The following KRT1 variants were observed in gnomAD, a reference collection of about 807,000 sequenced individuals.
The protein encoded by KRT1 is keratin 1, also known as keratin, type II cytoskeletal 1.
A neutral mutation model predicts 51.6 loss-of-function variants in KRT1; 28 were observed. The observed-to-expected ratio is 0.54, with a 90% CI of 0.40 to 0.74. The LOEUF is 0.74. Among genes scored for constraint, KRT1 ranks in the 30% least tolerant of loss-of-function variants. The pLI is 0.00. For synonymous variants in KRT1, 301 were observed against 307.7 expected (o/e 0.98, Z 0.23); for missense variants, 783 against 815.5 (o/e 0.96, Z 0.49).
At position 52,675,071 on chromosome 12, in the gene KRT1, A is replaced by T; in HGVS notation, c.*122T>A. ...AAGAGCTGGGGGAATAGGATGAGCTAGTGTAACTAACCATAGCTCTTTTCT... is the reference window on the plus strand; with the variant it reads ...AAGAGCTGGGGGAATAGGATGAGCTTGTGTAACTAACCATAGCTCTTTTCT... On this transcript the variant is annotated 3_prime_UTR_variant, in exon 9 of 9. Transcript: ENST00000252244. 1 of 1,231,100 alleles carries T rather than the reference A, an allele frequency of 8.1e-7. No homozygotes were observed. The highest frequency in any genetic ancestry group is 1.2e-6 in the Non-Finnish European group (1 of 832,970). The allele number at this position is 1,231,100 out of a possible 1,614,324, so 76.3% of individuals were successfully genotyped here.
intron 2 of KRT1, 75 bp downstream of exon 2, chr12:52,678,467 T>C (rs1941541722): frequency 4.9e-6 from 7 of 1,425,018 alleles, no homozygotes; most frequent in Non-Finnish European, 6.9e-6. Context: ...ACATGCTGCT[T>C]CATGATCTTA....
chr12:52,675,570 C>T lies in KRT1; in HGVS notation c.1558G>A (p.Gly520Ser). Residue 520 changes from glycine (G) to serine (S), a missense_variant, in exon 9 of 9, where the codon GGT becomes AGT. Coordinates refer to ENST00000252244, the MANE Select transcript of KRT1 (RefSeq NM_006121.4). ...CCAGAGCCGTAGCCACCGCCGCCAC[C>T]TCCTCGGCTGCCACCTCCACTGATG... The part of the protein sequence containing the change: ...TTISGGGSRG[G>S]GGGGYGSGGS... 1 of 1,614,144 alleles carries T rather than the reference C, an allele frequency of 6.2e-7. No homozygotes were observed. Among genetic ancestry groups the T allele is most frequent in the Middle Eastern group, 1.7e-4 (1 of 6,048 alleles).
Position 52,678,771 on chromosome 12 carries a change from C to T in KRT1, c.592-15G>A. 1 of 1,609,972 alleles carries T rather than the reference C, an allele frequency of 6.2e-7. No homozygotes were observed. The highest frequency in any genetic ancestry group is 8.5e-7 in the Non-Finnish European group (1 of 1,177,488). On this transcript the variant is annotated splice_polypyrimidine_tract_variant and intron_variant, in intron 1 of 8. Coordinates refer to ENST00000252244, the MANE Select transcript of KRT1 (RefSeq NM_006121.4). ...AGGAACCTCACCTAAAAACACAAGA[C>T]CCCTTTACTCCTGATGCATAAATGG...
rs1565647155 is a variant in KRT1, at chr12:52,677,484, C to A, written c.964-4G>T. On this transcript the variant is annotated splice_region_variant and splice_polypyrimidine_tract_variant and intron_variant, in intron 4 of 8. Transcript: ENST00000252244. ...GAGTCTGCATCTGAGACAACTCCTGCAAGACATAATAGGTTAGTGACTCTT... is the reference window on the plus strand; with the variant it reads ...GAGTCTGCATCTGAGACAACTCCTGAAAGACATAATAGGTTAGTGACTCTT... The A allele has an allele frequency of 1.9e-6, 3 of 1,614,146 alleles. No individual in the cohort carries two copies. The highest frequency in any genetic ancestry group is 2.5e-6 in the Non-Finnish European group (3 of 1,180,028).
Position 52,678,663 on chromosome 12 carries a change from G to C in KRT1, c.685C>G (p.Pro229Ala). ...TTGTTGATGAATGACTCAAAGTAGGGCTCTAAATTATGGGTTCTAGTGGAG... is the reference window on the plus strand; with the variant it reads ...TTGTTGATGAATGACTCAAAGTAGGCCTCTAAATTATGGGTTCTAGTGGAG... Reference protein sequence around the residue: ...DTSTRTHNLEPYFESFINNLR... With the variant: ...DTSTRTHNLEAYFESFINNLR... Residue 229 changes from proline (P) to alanine (A), a missense_variant, in exon 2 of 9, where the codon CCC (proline) becomes GCC (alanine). Transcript: ENST00000252244. 1 of 1,614,192 alleles carries C rather than the reference G, an allele frequency of 6.2e-7. No homozygotes were observed. Among genetic ancestry groups the C allele is most frequent in the Non-Finnish European group, 8.5e-7 (1 of 1,180,028 alleles).
intron 6 of KRT1, 54 bp downstream of exon 6, chr12:52,677,005 C>G: frequency 6.2e-7 from 1 of 1,605,672 alleles, no homozygotes; most frequent in Non-Finnish European, 8.5e-7. Flanking sequence ...CGCCCTTTAC[C>G]TGAGGGTTAC....
At chr12:52,678,484 T>C in intron 2 of KRT1, 58 bp downstream of exon 2, 1 of 1,518,620 alleles carries the variant, frequency 6.6e-7, no homozygotes, top group Non-Finnish European at 9.1e-7. Context: ...CTTAGCTTAT[T>C]ACTTTCTGGA....
intron 3 of KRT1, 79 bp downstream of exon 3, chr12:52,678,084 C>A: frequency 1.4e-6 from 2 of 1,397,430 alleles, no homozygotes; most frequent in South Asian, 2.3e-5. Flanking sequence ...CATATCATGG[C>A]TGCTTTCTGC....
intron 6 of KRT1, 22 bp downstream of exon 6, chr12:52,677,037 G>C: frequency 1.2e-6 from 2 of 1,611,078 alleles, no homozygotes; most frequent in East Asian, 2.2e-5. Flanking sequence ...ACAGCTGAGT[G>C]GTAGAAGGAG....
rs1415994629 is a variant in KRT1, at chr12:52,675,434, C to T, written c.1694G>A (p.Ser565Asn). 2.0e-6 allele frequency: 3 copies of T among 1,496,664 alleles called. No homozygotes were observed. In the Admixed American group the frequency reaches 5.9e-5, roughly 30 times the overall value. The allele number at this position is 1,496,664 out of a possible 1,614,324, so 92.7% of individuals were successfully genotyped here. The part of the protein sequence containing the change: ...GGSSYGSGGG[S>N]YGSGGGGGGH... ...GCCGCCGCCACCTCCAGAGCCATAG[C>T]TGCCACCTCCGGAGCCGTAGCTGCT... The change falls in exon 9 of 9, where the codon AGC becomes AAC. Residue 565 changes from serine (S) to asparagine (N), a missense_variant. By Grantham distance (46) the Ser-to-Asn change is conservative. Coordinates refer to ENST00000252244, the MANE Select transcript of KRT1 (RefSeq NM_006121.4).
At chr12:52,679,577 G>A (rs1166337782) in intron 1 of KRT1, among the ~76,000 whole-genome samples, 181 bp downstream of exon 1, 1 of 152,212 alleles carries the variant, frequency 6.6e-6, no homozygotes, top group Non-Finnish European at 1.5e-5. Flanking sequence ...TTGTCAAAGA[G>A]AGAGTCATTA....
chr12:52,677,400 G>A lies in KRT1; in HGVS notation c.1044C>T (p.Asp348=), dbSNP rs1362817983. The change falls in exon 5 of 9, where the codon GAC becomes GAT. Residue 348 remains aspartate (D), a synonymous_variant. Coordinates refer to ENST00000252244, the MANE Select transcript of KRT1 (RefSeq NM_006121.4). ...SMDNNRSLDL[D]SIIAEVKAQY... is the part of the protein sequence containing the mutation. The stretch of plus-strand genomic sequence containing the variant: ...GGGCCTTGACCTCAGCAATGATGCT[G>A]TCCAGGTCGAGACTGCGGTTGTTGT... 2.5e-6 allele frequency: 4 copies of A among 1,614,218 alleles called. No homozygotes were observed. The highest frequency in any genetic ancestry group is 3.4e-6 in the Non-Finnish European group (4 of 1,180,040).
chr12:52,675,034 C>T lies in KRT1; in HGVS notation c.*159G>A, dbSNP rs1270990843. The stretch of plus-strand genomic sequence containing the variant: ...CTGATCTGAAAACTTCATTGGGAAA[C>T]AGCAGAAAAGAAAGAGCTGGGGGAA... On this transcript the variant is annotated 3_prime_UTR_variant, in exon 9 of 9. Coordinates refer to ENST00000252244, the MANE Select transcript of KRT1 (RefSeq NM_006121.4). 1.0e-6 allele frequency: 1 copy of T among 1,003,410 alleles called. No individual in the cohort carries two copies. Among genetic ancestry groups the T allele is most frequent in the African/African-American group, 1.6e-5 (1 of 63,316 alleles). 62.2% of individuals were successfully genotyped at this position (1,003,410 alleles called of 1,614,324 possible). A position where few individuals can be genotyped will look rare whatever the true frequency, so the allele number is the denominator to read the frequency against.
Position 52,675,212 on chromosome 12 carries a change from T to G in KRT1, c.1916A>C (p.Tyr639Ser). 3 of 1,613,854 alleles carry G rather than the reference T, an allele frequency of 1.9e-6. No individual in the cohort carries two copies. The highest frequency in any genetic ancestry group is 1.7e-6 in the Non-Finnish European group (2 of 1,180,034). The part of the protein sequence containing the change: ...SSSVKFVSTT[Y>S]SGVTR ...ATCTCTTTATCTGGTTACTCCGGAA[T>G]AAGTGGTAGAAACAAACTTCACGCT... Residue 639 changes from tyrosine to serine, a missense_variant, in exon 9 of 9, where the codon TAT (tyrosine) becomes TCT (serine). Physicochemically the swap from Tyr to Ser is moderately radical, Grantham distance 144. Transcript: ENST00000252244.
In KRT1 at chr12:52,677,687, T is replaced by A. The variant is rs374523527; in HGVS notation, c.926A>T (p.Gln309Leu). Reference sequence around the variant, plus strand: ...TGCTGTAAGGAAATCAATTTCCTGCTGCAAGTTGTCAAGTTTGGCCTGAAG... The same window carrying A: ...TGCTGTAAGGAAATCAATTTCCTGCAGCAAGTTGTCAAGTTTGGCCTGAAG... ...VDLQAKLDNL[Q>L]QEIDFLTALY... Residue 309 changes from glutamine to leucine, a missense_variant, in exon 4 of 9, where the codon CAG becomes CTG. Transcript: ENST00000252244. 1 of 1,614,228 alleles carries A rather than the reference T, an allele frequency of 6.2e-7. No homozygotes were observed. The highest frequency in any genetic ancestry group is 8.5e-7 in the Non-Finnish European group (1 of 1,180,044).
At chr12:52,678,261 G>T in intron 2 of KRT1, 38 bp from the exon 3 acceptor site, 1 of 1,600,884 alleles carries the variant, frequency 6.2e-7, no homozygotes, top group Non-Finnish European at 8.6e-7. Flanking sequence ...ATTCAGAGGT[G>T]GTAAGACCTG....
intron 2 of KRT1, 136 bp downstream of exon 2, chr12:52,678,406 T>G (rs969226194): frequency 3.7e-6 from 4 of 1,094,152 alleles, no homozygotes; most frequent in Non-Finnish European, 5.5e-6. Flanking sequence ...AAAATGAAGA[T>G]TTCTGAAAAT....
At chr12:52,678,264 A>G in intron 2 of KRT1, 41 bp from the exon 3 acceptor site, 1 of 1,595,314 alleles carries the variant, frequency 6.3e-7, no homozygotes, top group South Asian at 1.1e-5. Flanking sequence ...CAGAGGTGGT[A>G]AGACCTGAAG....
chr12:52,680,368 G>A lies in KRT1; in HGVS notation c.-20C>T. On this transcript the variant is annotated 5_prime_UTR_variant, in exon 1 of 9. Transcript: ENST00000252244. Reference sequence around the variant, plus strand: ...ACTCATGTTGACTTAGAGAAAAGTAGGAGCAAGGTAGAGTAAGGGAAGGAG... The same window carrying A: ...ACTCATGTTGACTTAGAGAAAAGTAAGAGCAAGGTAGAGTAAGGGAAGGAG... 1.2e-6 allele frequency: 2 copies of A among 1,608,402 alleles called. No individual in the cohort carries two copies. The highest frequency in any genetic ancestry group is 1.7e-6 in the Non-Finnish European group (2 of 1,175,446).
Sources: allele counts gnomAD v4.1 joint callset (sites outside exome capture counted in the v4.1 genomes callset), GRCh38; gene constraint gnomAD v4.1.1; transcripts MANE v1.5; gene names NCBI Gene and HGNC (gene_info 2026-07-23, HGNC 2026-07-21).